Variants in WDR41 observed in about 807,000 individuals in gnomAD.
The protein encoded by WDR41 is WD repeat domain 41, also known as WD repeat-containing protein 41.
Under a neutral mutation model 69.3 loss-of-function variants are expected in WDR41, and 63 were observed. The ratio of observed to expected loss-of-function variants is 0.91; its 90% CI spans 0.74 to 1.12. The LOEUF is 1.12. WDR41 is among the 50% of genes most tolerant of loss of function. WDR41 has a pLI of 0.00. For synonymous variants in WDR41, 185 were observed against 192.1 expected (o/e 0.96, Z 0.31); for missense variants, 543 against 534.5 (o/e 1.02, Z -0.16).
At chr5:77,433,433 G>T in intron 12 of WDR41, 146 bp from the exon 13 acceptor site, 2 of 554,336 alleles carry the variant, frequency 3.6e-6, no homozygotes, top group Non-Finnish European at 2.9e-6. Flanking sequence ...TTCAGTATTG[G>T]TAAGTCACAT....
chr5:77,540,745 GGGAGGAAGGAAGGAAGGAAA>G (rs975714595), intron 1 of WDR41, among the ~76,000 whole-genome samples: 2 of 151,196 alleles, frequency 1.3e-5, no homozygotes, highest in African/African-American at 2.4e-5. Context: ...GAGGGAGGGA[GGGAGGAAGGAAGGAAGGAAA>G]GAAGGAAGGA....
chr5:77,531,181 T>C (rs1172620622), intron 1 of WDR41, among the ~76,000 whole-genome samples: 3 of 151,934 alleles, frequency 2.0e-5, no homozygotes, highest in Non-Finnish European at 4.4e-5. Context: ...TTAAAACTTT[T>C]GTGCATCAAA....
chr5:77,492,283 G>A lies in WDR41; in HGVS notation c.-63C>T, dbSNP rs544175260. The A allele has an allele frequency of 3.9e-4, 631 of 1,600,682 alleles. 6 individuals carry two copies. In the South Asian group the frequency reaches 6.5e-3, roughly 17 times the overall value. On this transcript the variant is annotated 5_prime_UTR_variant, in exon 1 of 13. Transcript: ENST00000296679. The stretch of plus-strand genomic sequence containing the variant: ...TCAGCCCAAACTCCGCCCCAGGCTC[G>A]GCCTCCTCCTTCCTCCCCGGCTGCA...
intron 1 of WDR41, among the ~76,000 whole-genome samples, chr5:77,534,186 A>G (rs1742920489): frequency 7.5e-6 from 1 of 133,460 alleles, no homozygotes; most frequent in Non-Finnish European, 1.7e-5. Context: ...TTCTTTGCTT[A>G]TTAAAAAATA....
At chr5:77,546,480 T>G (rs1382965809) in intron 1 of WDR41, among the ~76,000 whole-genome samples, 1 of 152,124 alleles carries the variant, frequency 6.6e-6, no homozygotes, top group Non-Finnish European at 1.5e-5. Context: ...GACTCAAGGC[T>G]GCTATGAACA....
At chr5:77,578,438 A>C (rs980080138) in intron 1 of WDR41, among the ~76,000 whole-genome samples, 16 of 152,162 alleles carry the variant, frequency 1.1e-4, no homozygotes, top group African/African-American at 3.6e-4. Flanking sequence ...CAAGTAAAAA[A>C]TGCAAGTCAT....
Position 77,453,866 on chromosome 5 carries a change from CCACACA to C in WDR41, c.468_473del (p.Cys156_Val157del). The C allele has an allele frequency of 6.2e-7, 1 of 1,613,990 alleles. No individual in the cohort carries two copies. Reference sequence around the variant, plus strand: ...TACACAGGAGATCTAATTTTCGGTTCCACACACACAGGTCATTCCCACCAGAAAGCC... The same window carrying C: ...TACACAGGAGATCTAATTTTCGGTTCCACAGGTCATTCCCACCAGAAAGCC... On this transcript the variant is annotated inframe_deletion, in exon 6 of 13. Coordinates refer to ENST00000296679, the MANE Select transcript of WDR41 (RefSeq NM_018268.4).
At chr5:77,440,378 G>A (rs952121398) in intron 9 of WDR41, among the ~76,000 whole-genome samples, 2 of 152,120 alleles carry the variant, frequency 1.3e-5, no homozygotes, top group Admixed American at 6.5e-5. Context: ...AGTCCTATAA[G>A]ATGGAATCCA....
At chr5:77,446,669 A>G (rs541902211) in intron 8 of WDR41, among the ~76,000 whole-genome samples, 36 of 152,330 alleles carry the variant, frequency 2.4e-4, no homozygotes, top group Admixed American at 1.1e-3. Context: ...AAAACAAGCA[A>G]TGGGGAAAGG....
upstream of WDR41, among the ~76,000 whole-genome samples, chr5:77,494,041 T>C (rs562187229): frequency 4.6e-5 from 7 of 151,532 alleles, no homozygotes; most frequent in South Asian, 1.5e-3. Flanking sequence ...AGGGTGGGGG[T>C]GGAGCAATAT....
rs572705711 is a variant in WDR41 at position 77,546,143 on chromosome 5, C to T, written c.43-56571G>A. 27 of 485,964 alleles carry T rather than the reference C, an allele frequency of 5.6e-5. 1 individual carries two copies. The highest frequency in any genetic ancestry group is 3.4e-4 in the East Asian group (10 of 29,206). The allele number at this position is 485,964 out of a possible 1,614,324, so 30.1% of individuals were successfully genotyped here. A position where few individuals can be genotyped will look rare whatever the true frequency, so the allele number is the denominator to read the frequency against. On this transcript the variant is annotated intron_variant, in intron 1 of 5. Coordinates refer to the WDR41 transcript ENST00000509971. ...CTCAGACCTACAGCTACTTGACCTC[C>T]GACCTCTGGAAGGAGACTGTATTCA...
rs1262168413 is a variant in WDR41, at chr5:77,483,484, G to A, written c.167+5973C>T. On this transcript the variant is annotated intron_variant, in intron 2 of 12. Coordinates refer to ENST00000296679, the MANE Select transcript of WDR41 (RefSeq NM_018268.4). ...CCCTACGAGTTACCTGAATACTCGT[G>A]TGTGTGTGTGTGTGTGTGTGTGTGT... Among the ~76,000 whole-genome samples the A allele has an allele frequency of 3.5e-3, 5 of 1,412 alleles. No homozygotes were observed. The Admixed American group carries it at 0.05, about 14-fold the overall frequency. The allele number at this position is 1,412 out of a possible 152,430, so 0.9% of individuals were successfully genotyped here.
At chr5:77,505,645 G>C (rs1287154052) in intron 1 of WDR41, among the ~76,000 whole-genome samples, 2 of 152,094 alleles carry the variant, frequency 1.3e-5, no homozygotes, top group African/African-American at 4.8e-5. Context: ...TATGCTACAA[G>C]GCTACAGTAA....
chr5:77,474,546 C>A (rs1016055035), intron 2 of WDR41, among the ~76,000 whole-genome samples: 1 of 152,060 alleles, frequency 6.6e-6, no homozygotes, highest in South Asian at 2.1e-4. Flanking sequence ...TTGAAGGAAA[C>A]GTCAAAGCAT....
intron 2 of WDR41, among the ~76,000 whole-genome samples, chr5:77,482,237 T>C (rs761594757): frequency 8.5e-5 from 13 of 152,230 alleles, no homozygotes; most frequent in Admixed American, 3.9e-4. Flanking sequence ...GTATTTCATT[T>C]TGTCAGTATT....
intron 2 of WDR41, among the ~76,000 whole-genome samples, chr5:77,488,090 T>C (rs1465374402): frequency 6.6e-6 from 1 of 152,148 alleles, no homozygotes; most frequent in Admixed American, 6.5e-5. Flanking sequence ...TGTGAGTCCT[T>C]CTAGTGAATT....
chr5:77,491,884 G>C, intron 1 of WDR41: 2 of 480,550 alleles, frequency 4.2e-6, no homozygotes, highest in South Asian at 6.4e-5. Context: ...TAGGACTGCT[G>C]ACCAGCTGAG....
chr5:77,568,424 C>G (rs1329754820), intron 1 of WDR41, among the ~76,000 whole-genome samples: 1 of 152,162 alleles, frequency 6.6e-6, no homozygotes, highest in Non-Finnish European at 1.5e-5. Flanking sequence ...TCCAAAATAA[C>G]CCATTCTTCC....
In WDR41 at chr5:77,492,287, T is replaced by A; in HGVS notation, c.-67A>T. 1.9e-6 allele frequency: 3 copies of A among 1,593,728 alleles called. No homozygotes were observed. Among genetic ancestry groups the A allele is most frequent in the Non-Finnish European group, 2.6e-6 (3 of 1,169,464 alleles). The stretch of plus-strand genomic sequence containing the variant: ...CCCAAACTCCGCCCCAGGCTCGGCC[T>A]CCTCCTTCCTCCCCGGCTGCAGCGC... On this transcript the variant is annotated 5_prime_UTR_variant, in exon 1 of 13. Coordinates refer to ENST00000296679, the MANE Select transcript of WDR41 (RefSeq NM_018268.4).
Sources: allele counts gnomAD v4.1 joint callset (sites outside exome capture counted in the v4.1 genomes callset), GRCh38; gene constraint gnomAD v4.1.1; transcripts MANE v1.5; gene names NCBI Gene and HGNC (gene_info 2026-07-23, HGNC 2026-07-21).